The following SMC5 variants were observed in gnomAD, a reference collection of about 807,000 sequenced individuals.
SMC5 encodes structural maintenance of chromosomes 5, also known as structural maintenance of chromosomes protein 5.
A neutral mutation model predicts 148.3 loss-of-function variants in SMC5; 88 were observed. That is an observed-to-expected ratio of 0.59 (90% CI 0.50 to 0.71). The LOEUF is 0.71. Among genes scored for constraint, SMC5 ranks in the 30% least tolerant of loss-of-function variants. SMC5 has a pLI of 0.00. For synonymous variants in SMC5, 421 were observed against 432.8 expected (o/e 0.97, Z 0.34); for missense variants, 1,142 against 1,298.9 (o/e 0.88, Z 1.86).
intron 20 of SMC5, 24 bp from the exon 21 acceptor site, chr9:70,347,586 TAAA>T: frequency 1.6e-6 from 2 of 1,259,530 alleles, no homozygotes; most frequent in Non-Finnish European, 2.2e-6. Flanking sequence ...AGATTTATCT[TAAA>T]GAAGTTTTTT....
rs560438883 is a variant in SMC5 at position 70,267,724 on chromosome 9, T to C, written c.328-199T>C. Among the ~76,000 whole-genome samples the C allele has an allele frequency of 2.1e-4, 32 of 152,250 alleles. No homozygotes were observed. In the East Asian group the frequency reaches 5.0e-3, roughly 24 times the overall value. ...GGAGTTCGATAAATCTTACCTAATA[T>C]TATTATTGTTGTTATTTGTGGGAGG... On this transcript the variant is annotated intron_variant, in intron 2 of 24. Transcript: ENST00000361138.
At chr9:70,302,916 A>G (rs973228918) in intron 10 of SMC5, among the ~76,000 whole-genome samples, 1 of 152,138 alleles carries the variant, frequency 6.6e-6, no homozygotes, top group Non-Finnish European at 1.5e-5. Context: ...GGAATCTGAC[A>G]TGGCAGAATA....
At chr9:70,328,924 C>G (rs2118695693) in intron 17 of SMC5, among the ~76,000 whole-genome samples, 1 of 152,298 alleles carries the variant, frequency 6.6e-6, no homozygotes, top group South Asian at 2.1e-4. Flanking sequence ...CCCACAGGAC[C>G]AGCACCTTGT....
intron 17 of SMC5, among the ~76,000 whole-genome samples, chr9:70,325,611 G>A (rs2036057661): frequency 6.6e-6 from 1 of 152,098 alleles, no homozygotes; most frequent in African/African-American, 2.4e-5. Context: ...TCTTACTGAA[G>A]AGAACTAGAG....
intron 13 of SMC5, 109 bp from the exon 14 acceptor site, chr9:70,318,405 T>C (rs2035863903): frequency 1.1e-6 from 1 of 899,606 alleles, no homozygotes; most frequent in Non-Finnish European, 1.6e-6. Context: ...AAAATGTATA[T>C]CTCGTATATT....
intron 11 of SMC5, among the ~76,000 whole-genome samples, chr9:70,313,173 T>C (rs2035703175): frequency 6.6e-6 from 1 of 152,202 alleles, no homozygotes; most frequent in African/African-American, 2.4e-5. Flanking sequence ...GTTTTTGGCA[T>C]GAAGTTTTTT....
At chr9:70,309,757 C>T (rs1227977833) in intron 11 of SMC5, among the ~76,000 whole-genome samples, 1 of 152,196 alleles carries the variant, frequency 6.6e-6, no homozygotes, top group Non-Finnish European at 1.5e-5. Flanking sequence ...AAAGTCTTCC[C>T]TGAAGGCTGG....
At chr9:70,314,711 T>C (rs781339234) in intron 11 of SMC5, 31 bp from the exon 12 acceptor site, 16 of 1,177,540 alleles carry the variant, frequency 1.4e-5, no homozygotes, top group Non-Finnish European at 1.9e-5. Context: ...ATATGGTAAT[T>C]AAAATAATAT....
intron 5 of SMC5, among the ~76,000 whole-genome samples, chr9:70,278,926 C>G (rs2034671805): frequency 1.3e-5 from 2 of 152,148 alleles, no homozygotes; most frequent in African/African-American, 4.8e-5. Context: ...CATTCAGTAT[C>G]TATTAAACAC....
At chr9:70,346,750 T>A in intron 19 of SMC5, 101 bp downstream of exon 19, 1 of 1,186,404 alleles carries the variant, frequency 8.4e-7, no homozygotes, top group Non-Finnish European at 1.2e-6. Context: ...TCTAGGCCTT[T>A]GAATTCTCTT....
intron 17 of SMC5, among the ~76,000 whole-genome samples, chr9:70,343,800 G>GAC (rs1254883774): frequency 6.6e-6 from 1 of 152,024 alleles, no homozygotes; most frequent in Non-Finnish European, 1.5e-5. Flanking sequence ...CAGCCTGGGT[G>GAC]ACAGAGCAAG....
intron 18 of SMC5, 138 bp downstream of exon 18, chr9:70,344,407 A>AATAT (rs58118106): frequency 3.4e-6 from 1 of 293,344 alleles, no homozygotes; most frequent in Non-Finnish European, 6.2e-6. Flanking sequence ...TTTTAAACTG[A>AATAT]ATATATATAT....
intron 18 of SMC5, 113 bp from the exon 19 acceptor site, chr9:70,346,492 A>C: frequency 9.8e-7 from 1 of 1,025,540 alleles, no homozygotes; most frequent in Non-Finnish European, 1.5e-6. Flanking sequence ...CAACTGTCAA[A>C]GTAATTAGAT....
intron 17 of SMC5, among the ~76,000 whole-genome samples, chr9:70,342,390 TAATAATAA>T (rs1428369093): frequency 1.3e-5 from 2 of 151,874 alleles, no homozygotes; most frequent in African/African-American, 4.8e-5. Context: ...AAAAGTGTAA[TAATAATAA>T]AATAATAAAT....
At chr9:70,290,371 CAGAAAGGGGCTTGTTATGAATA>C (rs2035025838) in intron 8 of SMC5, among the ~76,000 whole-genome samples, 1 of 152,076 alleles carries the variant, frequency 6.6e-6, no homozygotes, top group East Asian at 1.9e-4. Context: ...CCAGATATTG[CAGAAAGGGGCTTGTTATGAATA>C]ATAAAAGACA....
intron 3 of SMC5, among the ~76,000 whole-genome samples, 191 bp downstream of exon 3, chr9:70,268,166 T>C (rs549620040): frequency 3.3e-5 from 5 of 152,318 alleles, no homozygotes; most frequent in Non-Finnish European, 2.9e-5. Context: ...AATTGTAGGC[T>C]AGCCATGGTG....
intron 18 of SMC5, chr9:70,346,353 T>C (rs1209074263): frequency 3.9e-6 from 2 of 517,502 alleles, no homozygotes; most frequent in South Asian, 3.1e-5. Context: ...TTTTGTACCA[T>C]GTAGTATATA....
chr9:70,270,556 C>T (rs2034418824), intron 3 of SMC5, among the ~76,000 whole-genome samples: 1 of 151,900 alleles, frequency 6.6e-6, no homozygotes, highest in Non-Finnish European at 1.5e-5. Flanking sequence ...CAAGAGTTGC[C>T]TCATTAGAAA....
At chr9:70,288,544 G>A (rs1404307509) in intron 8 of SMC5, among the ~76,000 whole-genome samples, 3 of 151,888 alleles carry the variant, frequency 2.0e-5, no homozygotes, top group East Asian at 1.9e-4. Flanking sequence ...ATTGTAAAAA[G>A]TGTGTTTCTT....
Sources: gnomAD v4.1 joint callset for allele counts (sites outside exome capture counted in the v4.1 genomes callset) on GRCh38, gnomAD v4.1.1 for gene constraint, MANE v1.5 for transcripts, NCBI Gene and HGNC (gene_info 2026-07-23, HGNC 2026-07-21) for gene names.